The following PCDH19 variants were observed in gnomAD, a reference collection of about 807,000 sequenced individuals.
The protein encoded by PCDH19 is protocadherin 19.
A neutral mutation model predicts 46.2 loss-of-function variants in PCDH19; 6 were observed. The observed-to-expected ratio is 0.13, with a 90% CI of 0.07 to 0.26. The LOEUF (loss-of-function observed/expected upper bound fraction) is 0.26. Ranked by LOEUF, PCDH19 falls within the 10% of genes least tolerant of loss-of-function variation. The pLI, the probability that PCDH19 is intolerant of heterozygous loss-of-function variation, is 1.00. For missense variants in PCDH19, 740 were observed against 972.3 expected (o/e 0.76, Z 3.18); for synonymous variants, 481 against 415.7 (o/e 1.16, Z -1.91).
intron 5 of PCDH19, among the ~76,000 whole-genome samples, chrX:100,316,536 G>A (rs775819647): frequency 8.9e-6 from 1 of 111,793 alleles, no homozygotes; most frequent in East Asian, 2.8e-4. Context: ...TTAGGGCTCA[G>A]GAATACGTAT....
At chrX:100,349,803 T>C (rs1448362697) in intron 4 of PCDH19, among the ~76,000 whole-genome samples, 1 of 112,701 alleles carries the variant, frequency 8.9e-6, no homozygotes, top group Admixed American at 9.4e-5. Flanking sequence ...GGACTGGTCT[T>C]TCTGTGCAAG....
In PCDH19 at chrX:100,407,935, G is replaced by A; in HGVS notation, c.663C>T (p.Thr221=). ...LDGGDPPRLG[T]VGLSIKVTDS... is the part of the protein sequence containing the mutation. ...CGGTCACCTTGATACTAAGGCCAAC[G>A]GTGCCCAGGCGCGGCGGGTCGCCAC... Residue 221 remains threonine, a synonymous_variant, in exon 1 of 6, where the codon ACC becomes ACT. Coordinates refer to ENST00000373034, the MANE Select transcript of PCDH19 (RefSeq NM_001184880.2). 1 of 1,211,214 alleles carries A rather than the reference G, an allele frequency of 8.3e-7. No individual in the cohort carries two copies. Among genetic ancestry groups the A allele is most frequent in the Non-Finnish European group, 1.1e-6 (1 of 895,655 alleles).
chrX:100,376,007 T>C (rs1927367883), intron 3 of PCDH19, among the ~76,000 whole-genome samples: 1 of 110,287 alleles, frequency 9.1e-6, no homozygotes, highest in East Asian at 2.8e-4. Flanking sequence ...GAGGCTAAGG[T>C]GGGTGGATCA....
In PCDH19 at chrX:100,295,667, C is replaced by T. The variant is rs1194555149; in HGVS notation, c.*610G>A. 8.9e-6 allele frequency: 1 copy of T among 112,420 alleles called. No individual in the cohort carries two copies. The highest frequency in any genetic ancestry group is 1.9e-5 in the Non-Finnish European group (1 of 53,420). 9.3% of individuals were successfully genotyped at this position (112,420 alleles called of 1,213,427 possible). A position where few individuals can be genotyped will look rare whatever the true frequency, so the allele number is the denominator to read the frequency against. ...AAAAGCCTTTTGCCATCACCACACA[C>T]ATAGCAATTTGCAATATCAAATACA... On this transcript the variant is annotated 3_prime_UTR_variant, in exon 6 of 6. Coordinates refer to ENST00000373034, the MANE Select transcript of PCDH19 (RefSeq NM_001184880.2).
At chrX:100,315,959 G>A (rs1925289871) in intron 5 of PCDH19, among the ~76,000 whole-genome samples, 1 of 111,599 alleles carries the variant, frequency 9.0e-6, no homozygotes, top group Admixed American at 9.5e-5. Flanking sequence ...TGATGGAGAG[G>A]TTCCCCTATG....
At chrX:100,398,270 G>GAT (rs1412820957) in intron 3 of PCDH19, among the ~76,000 whole-genome samples, 1 of 112,117 alleles carries the variant, frequency 8.9e-6, no homozygotes, top group African/African-American at 3.2e-5. Flanking sequence ...AGTAAATAAT[G>GAT]ATATACAATT....
In PCDH19 at chrX:100,409,986, G is replaced by A. The variant is rs1255072262; in HGVS notation, c.-1389C>T. On this transcript the variant is annotated 5_prime_UTR_variant, in exon 1 of 6. Transcript: ENST00000373034. ...AATGTGTGAGAGAGAGAGGAAGAGT[G>A]AGTGTGTGGTGTGGGGAGTGTGAGT... 1 of 304,745 alleles carries A rather than the reference G, an allele frequency of 3.3e-6. No homozygotes were observed. The highest frequency in any genetic ancestry group is 2.7e-5 in the African/African-American group (1 of 36,847). 25.1% of individuals were successfully genotyped at this position (304,745 alleles called of 1,213,427 possible).
At position 100,296,791 on chromosome X, in the gene PCDH19, G is replaced by A; in HGVS notation, c.2933C>T (p.Pro978Leu). The part of the protein sequence containing the change: ...DRCWMPRNPM[P>L]IRSKSPEHVR... ...ATGCTCAGGGGACTTGGAACGGATGGGCATGGGGTTCCGGGGCATCCAGCA... is the reference window on the plus strand; with the variant it reads ...ATGCTCAGGGGACTTGGAACGGATGAGCATGGGGTTCCGGGGCATCCAGCA... The change falls in exon 6 of 6, where the codon CCC becomes CTC. Residue 978 changes from proline to leucine, a missense_variant. Coordinates refer to ENST00000373034, the MANE Select transcript of PCDH19 (RefSeq NM_001184880.2). The A allele has an allele frequency of 1.7e-6, 2 of 1,211,316 alleles. No individual in the cohort carries two copies. Among genetic ancestry groups the A allele is most frequent in the South Asian group, 3.5e-5 (2 of 56,962 alleles).
intron 5 of PCDH19, among the ~76,000 whole-genome samples, chrX:100,324,068 G>A (rs1363176600): frequency 4.5e-5 from 5 of 111,930 alleles, no homozygotes; most frequent in Admixed American, 2.8e-4. Context: ...TGAGAGGTGT[G>A]ACATGATGGC....
chrX:100,333,145 GGAAGGAAGGAAGGAAGGAAGGAAGGA>G (rs1569294519), intron 5 of PCDH19, among the ~76,000 whole-genome samples: 6 of 47,465 alleles, frequency 1.3e-4, no homozygotes, highest in Non-Finnish European at 2.8e-4. Flanking sequence ...AAGGAAGGAA[GGAAGGAAGGAAGGAAGGAAGGAAGGA>G]AGGGAGAGAG....
intron 5 of PCDH19, among the ~76,000 whole-genome samples, chrX:100,306,940 A>C (rs1190997388): frequency 9.0e-6 from 1 of 111,711 alleles, no homozygotes; most frequent in African/African-American, 3.2e-5. Context: ...CAAGAGTCAG[A>C]CAGATTCATA....
rs1253065566 is a variant in PCDH19, at chrX:100,294,899, G to A, written c.*1378C>T. On this transcript the variant is annotated 3_prime_UTR_variant, in exon 6 of 6. Transcript: ENST00000373034. ...GTATTCCTAGCCTACAGCAAAAAGA[G>A]TTGGCTAAATCGAAAGGATTTTTAT... 8.9e-6 allele frequency: 1 copy of A among 112,438 alleles called. No individual in the cohort carries two copies. Among genetic ancestry groups the A allele is most frequent in the Non-Finnish European group, 1.9e-5 (1 of 53,225 alleles). The allele number at this position is 112,438 out of a possible 1,213,427, so 9.3% of individuals were successfully genotyped here.
intron 3 of PCDH19, among the ~76,000 whole-genome samples, chrX:100,360,756 C>A (rs1484400111): frequency 1.3e-4 from 15 of 111,922 alleles, no homozygotes; most frequent in Non-Finnish European, 1.9e-5. Context: ...CCCACAGGAG[C>A]CTCCAGTTTC....
intron 3 of PCDH19, among the ~76,000 whole-genome samples, chrX:100,363,615 T>A (rs898368606): frequency 1.1e-5 from 1 of 89,589 alleles, no homozygotes; most frequent in Non-Finnish European, 2.1e-5. Context: ...ATGGGAAGTT[T>A]TATATATATA....
chrX:100,386,543 A>G (rs1927721363), intron 3 of PCDH19, among the ~76,000 whole-genome samples: 1 of 111,997 alleles, frequency 8.9e-6, no homozygotes, highest in Admixed American at 9.5e-5. Context: ...ACTTTTTCCA[A>G]ATCCTGGCTT....
chrX:100,405,451 GA>G (rs1928316132), intron 1 of PCDH19, among the ~76,000 whole-genome samples: 1 of 111,879 alleles, frequency 8.9e-6, no homozygotes, highest in African/African-American at 3.3e-5. Context: ...CCAAATGTAA[GA>G]AAGGGCTTCA....
chrX:100,322,865 A>ATATTTTTT, intron 5 of PCDH19, among the ~76,000 whole-genome samples: 10 of 54,414 alleles, frequency 1.8e-4, no homozygotes, highest in African/African-American at 3.4e-4. Flanking sequence ...ATATATATAT[A>ATATTTTTT]TTTTTGCAGC....
At chrX:100,394,770 A>C (rs778429571) in intron 3 of PCDH19, among the ~76,000 whole-genome samples, 1 of 112,440 alleles carries the variant, frequency 8.9e-6, no homozygotes, top group East Asian at 2.8e-4. Flanking sequence ...TTAAGTAAAA[A>C]TCAAACAGGA....
chrX:100,356,728 A>T (rs1259131589), intron 3 of PCDH19, among the ~76,000 whole-genome samples: 2 of 105,548 alleles, frequency 1.9e-5, no homozygotes, highest in African/African-American at 6.9e-5. Flanking sequence ...TGTCAGTTGT[A>T]TGCTCCCCAC....
Sources: allele counts gnomAD v4.1 joint callset (sites outside exome capture counted in the v4.1 genomes callset), GRCh38; gene constraint gnomAD v4.1.1; transcripts MANE v1.5; gene names NCBI Gene and HGNC (gene_info 2026-07-23, HGNC 2026-07-21).